GUCY1A2: variants seen among roughly 807,000 people sequenced by gnomAD.
GUCY1A2 encodes guanylate cyclase 1 soluble subunit alpha 2.
GUCY1A2 carries 27 observed loss-of-function variants against 63.5 expected under a neutral mutation model. The ratio of observed to expected loss-of-function variants is 0.43; its 90% CI spans 0.31 to 0.59. The LOEUF (loss-of-function observed/expected upper bound fraction) is 0.59. GUCY1A2 is among the 20% of genes least tolerant of loss of function. The pLI is 0.11. For synonymous variants in GUCY1A2, 364 were observed against 343.5 expected (o/e 1.06, Z -0.66); for missense variants, 768 against 913.3 (o/e 0.84, Z 2.05).
chr11:106,852,231 T>C lies in GUCY1A2; in HGVS notation c.1207-41753A>G, dbSNP rs149820474. Among the ~76,000 whole-genome samples the C allele has an allele frequency of 2.3e-3, 355 of 152,122 alleles. 5 individuals are homozygous for C. The highest frequency in any genetic ancestry group is 7.2e-3 in the African/African-American group (299 of 41,548). Reference sequence around the variant, plus strand: ...TTTTTTATGGGGTCTTTAGGTTTTCTTATATACAAGATCATGTTGTTTACA... The same window carrying C: ...TTTTTTATGGGGTCTTTAGGTTTTCCTATATACAAGATCATGTTGTTTACA... On this transcript the variant is annotated intron_variant, in intron 4 of 7. Transcript: ENST00000526355.
chr11:106,865,362 GT>G (rs537574480), intron 4 of GUCY1A2, among the ~76,000 whole-genome samples: 4 of 151,968 alleles, frequency 2.6e-5, no homozygotes, highest in South Asian at 4.1e-4. Context: ...TTTTTGAAGG[GT>G]TTTTTGTGTC....
At chr11:106,879,817 C>T (rs1428359875) in intron 4 of GUCY1A2, among the ~76,000 whole-genome samples, 1 of 151,984 alleles carries the variant, frequency 6.6e-6, no homozygotes, top group Non-Finnish European at 1.5e-5. Context: ...CTTCACTGAG[C>T]CATGAAATGA....
chr11:106,864,205 A>G (rs1447487682), intron 4 of GUCY1A2, among the ~76,000 whole-genome samples: 1 of 130,958 alleles, frequency 7.6e-6, no homozygotes, highest in Non-Finnish European at 1.8e-5. Flanking sequence ...CCCAGAACTT[A>G]AAGTATAATA....
intron 3 of GUCY1A2, among the ~76,000 whole-genome samples, chr11:106,965,442 T>C (rs895105514): frequency 5.3e-5 from 8 of 152,208 alleles, no homozygotes; most frequent in African/African-American, 1.9e-4. Flanking sequence ...TACTTATGTA[T>C]ATAGGCATAT....
intron 1 of GUCY1A2, among the ~76,000 whole-genome samples, chr11:106,993,439 G>GTAAT (rs1861495824): frequency 6.6e-6 from 1 of 151,880 alleles, no homozygotes; most frequent in African/African-American, 2.4e-5. Context: ...TGAAGGAGAG[G>GTAAT]TAATTGTGTA....
chr11:106,967,829 C>T, intron 3 of GUCY1A2, among the ~76,000 whole-genome samples: 1 of 152,026 alleles, frequency 6.6e-6, no homozygotes. Context: ...AAGATAAATA[C>T]AGAGCATCTA....
At chr11:106,778,355 C>T (rs1050545220) in intron 5 of GUCY1A2, among the ~76,000 whole-genome samples, 4 of 152,154 alleles carry the variant, frequency 2.6e-5, no homozygotes, top group Non-Finnish European at 4.4e-5. Context: ...TCTGCTTTAA[C>T]GTTCAGCACA....
intron 4 of GUCY1A2, among the ~76,000 whole-genome samples, chr11:106,889,590 G>C (rs1253345335): frequency 6.6e-6 from 1 of 152,112 alleles, no homozygotes; most frequent in African/African-American, 2.4e-5. Flanking sequence ...GATAAAAAAT[G>C]ATTTTATTTT....
chr11:106,996,987 A>G (rs1455927830), intron 1 of GUCY1A2, among the ~76,000 whole-genome samples: 1 of 152,212 alleles, frequency 6.6e-6, no homozygotes, highest in Non-Finnish European at 1.5e-5. Flanking sequence ...TTAGAGATAC[A>G]GAATAATCAC....
At chr11:106,998,347 A>C (rs1861567950) in intron 1 of GUCY1A2, among the ~76,000 whole-genome samples, 1 of 152,194 alleles carries the variant, frequency 6.6e-6, no homozygotes, top group South Asian at 2.1e-4. Context: ...AGAGGAGAGG[A>C]AATGTTTCTG....
intron 4 of GUCY1A2, among the ~76,000 whole-genome samples, chr11:106,811,596 T>A (rs1858763121): frequency 6.6e-6 from 1 of 152,176 alleles, no homozygotes; most frequent in East Asian, 1.9e-4. Context: ...GAATAAACTA[T>A]TGGGATCTGG....
chr11:106,878,126 A>G (rs1859775586), intron 4 of GUCY1A2, among the ~76,000 whole-genome samples: 1 of 152,166 alleles, frequency 6.6e-6, no homozygotes, highest in Non-Finnish European at 1.5e-5. Flanking sequence ...AAGTCAAAAA[A>G]TAACAGGTGC....
chr11:107,012,583 C>T (rs1861762638), intron 1 of GUCY1A2, among the ~76,000 whole-genome samples: 1 of 152,132 alleles, frequency 6.6e-6, no homozygotes, highest in African/African-American at 2.4e-5. Context: ...AGGGGCTCAG[C>T]AGAGGATTAC....
intron 4 of GUCY1A2, among the ~76,000 whole-genome samples, chr11:106,820,403 ATAT>A (rs777319914): frequency 1.9e-4 from 29 of 152,210 alleles, no homozygotes; most frequent in Non-Finnish European, 3.2e-4. Context: ...TTTAAAAAAA[ATAT>A]TATTTATTTA....
intron 1 of GUCY1A2, among the ~76,000 whole-genome samples, chr11:107,015,577 A>G (rs933338841): frequency 6.8e-6 from 1 of 147,008 alleles, no homozygotes; most frequent in Non-Finnish European, 1.5e-5. Flanking sequence ...AAAAAAAAAA[A>G]AAAAAAAAAA....
intron 3 of GUCY1A2, among the ~76,000 whole-genome samples, chr11:106,977,738 G>T (rs952304360): frequency 6.6e-6 from 1 of 152,140 alleles, no homozygotes; most frequent in Non-Finnish European, 1.5e-5. Flanking sequence ...TTGCCCTATT[G>T]TCCATCACCT....
intron 4 of GUCY1A2, among the ~76,000 whole-genome samples, chr11:106,864,219 A>ATAG (rs111434686): frequency 0.37 from 56,515 of 151,598 alleles, 10,952 homozygotes; most frequent in Middle Eastern, 0.45. Flanking sequence ...TATAATAATA[A>ATAG]TAAGAAGAAG....
intron 4 of GUCY1A2, among the ~76,000 whole-genome samples, chr11:106,884,273 G>T (rs1030974935): frequency 9.9e-5 from 15 of 152,166 alleles, no homozygotes; most frequent in African/African-American, 3.6e-4. Context: ...AAGTAATATT[G>T]CAGAACAAAG....
At chr11:106,805,549 A>C (rs1472462262) in intron 5 of GUCY1A2, among the ~76,000 whole-genome samples, 1 of 152,144 alleles carries the variant, frequency 6.6e-6, no homozygotes, top group African/African-American at 2.4e-5. Flanking sequence ...CCTGGCCATC[A>C]CTAACATTTT....
Sources: allele counts gnomAD v4.1 joint callset (sites outside exome capture counted in the v4.1 genomes callset), GRCh38; gene constraint gnomAD v4.1.1; transcripts MANE v1.5; gene names NCBI Gene and HGNC (gene_info 2026-07-23, HGNC 2026-07-21).